CTNNA3: variants seen among roughly 807,000 people sequenced by gnomAD.
CTNNA3 encodes the protein catenin alpha 3, also known as catenin alpha-3.
In CTNNA3, 76 loss-of-function variants were observed where a neutral mutation model predicts 95.7. The ratio of observed to expected loss-of-function variants is 0.79; its 90% CI spans 0.66 to 0.96. The LOEUF is 0.96. Ranked by LOEUF, CTNNA3 falls within the 40% of genes least tolerant of loss-of-function variation. The pLI is 0.00. For synonymous variants in CTNNA3, 431 were observed against 374.4 expected (o/e 1.15, Z -1.74); for missense variants, 1,191 against 1,089.8 (o/e 1.09, Z -1.31).
At chr10:66,359,771 G>A (rs1353892909) in intron 12 of CTNNA3, among the ~76,000 whole-genome samples, 1 of 151,626 alleles carries the variant, frequency 6.6e-6, no homozygotes, top group African/African-American at 2.4e-5. Context: ...GTTCAATGAA[G>A]GTTAAAGTGA....
At chr10:66,434,723 G>T (rs2093324671) in intron 11 of CTNNA3, among the ~76,000 whole-genome samples, 1 of 151,938 alleles carries the variant, frequency 6.6e-6, no homozygotes, top group African/African-American at 2.4e-5. Flanking sequence ...TGCCTGTGCT[G>T]GTTTTCAAAG....
At chr10:66,541,798 G>T (rs1201886001) in intron 10 of CTNNA3, among the ~76,000 whole-genome samples, 1 of 152,048 alleles carries the variant, frequency 6.6e-6, no homozygotes, top group African/African-American at 2.4e-5. Context: ...CAACACGTAA[G>T]AGATTTATAC....
rs559324408 is a variant in CTNNA3, at chr10:67,235,368, CA to C, written c.580-15499del. Among the ~76,000 whole-genome samples the C allele has an allele frequency of 1.1e-4, 16 of 152,268 alleles. No homozygotes were observed. In the East Asian group the frequency reaches 3.1e-3, roughly 29 times the overall value. On this transcript the variant is annotated intron_variant, in intron 5 of 17. Coordinates refer to ENST00000433211, the MANE Select transcript of CTNNA3 (RefSeq NM_013266.4). ...CCTCAGAAATAATGCCACATATCTA[CA>C]ACTATCTGATCTTTGACAAACCTGA...
intron 12 of CTNNA3, among the ~76,000 whole-genome samples, chr10:66,319,378 A>G (rs563680946): frequency 8.3e-4 from 126 of 152,248 alleles, no homozygotes; most frequent in African/African-American, 2.9e-3. Context: ...GTTAAAATCT[A>G]CACACCAAGC....
chr10:66,862,732 G>T (rs1843990182), intron 7 of CTNNA3, among the ~76,000 whole-genome samples: 1 of 152,296 alleles, frequency 6.6e-6, no homozygotes, highest in East Asian at 1.9e-4. Flanking sequence ...ACGTGTTAAT[G>T]TGACTAGAAC....
In CTNNA3 at chr10:67,205,785, A is replaced by T. The variant is rs547314561; in HGVS notation, c.843+13822T>A. On this transcript the variant is annotated intron_variant, in intron 6 of 17. Coordinates refer to ENST00000433211, the MANE Select transcript of CTNNA3 (RefSeq NM_013266.4). ...TAAATACAGATCTTAAAAGAAGCAA[A>T]ATATAATTTTCCTAGGGAAAAAAGG... is the stretch of plus-strand genomic sequence containing the variant. 2.0e-4 allele frequency among the ~76,000 whole-genome samples: 31 copies of T among 152,326 alleles called. 1 individual carries two copies. The South Asian group carries it at 6.4e-3, about 32-fold the overall frequency.
At chr10:67,519,404 A>C (rs2133152463) in intron 5 of CTNNA3, among the ~76,000 whole-genome samples, 1 of 152,308 alleles carries the variant, frequency 6.6e-6, no homozygotes, top group Middle Eastern at 3.4e-3. Context: ...AAAATATGTT[A>C]GGAGAAAACC....
intron 6 of CTNNA3, among the ~76,000 whole-genome samples, chr10:67,199,632 G>A (rs1330031783): frequency 6.6e-6 from 1 of 152,088 alleles, no homozygotes; most frequent in Non-Finnish European, 1.5e-5. Context: ...GCCTCCCAAA[G>A]TGCTGGGATT....
intron 3 of CTNNA3, among the ~76,000 whole-genome samples, chr10:67,575,584 C>A (rs1302491341): frequency 6.6e-6 from 1 of 152,120 alleles, no homozygotes; most frequent in Non-Finnish European, 1.5e-5. Flanking sequence ...TATAGGAATT[C>A]AAGTGATCAC....
chr10:66,765,992 A>G (rs950292270), intron 9 of CTNNA3, among the ~76,000 whole-genome samples: 1 of 152,196 alleles, frequency 6.6e-6, no homozygotes, highest in Non-Finnish European at 1.5e-5. Context: ...TCAGAATGGG[A>G]AGAAAATATT....
intron 13 of CTNNA3, among the ~76,000 whole-genome samples, chr10:66,114,077 CA>C (rs1261958849): frequency 6.6e-6 from 1 of 152,096 alleles, no homozygotes; most frequent in Non-Finnish European, 1.5e-5. Flanking sequence ...AATGTCGGAT[CA>C]AAAATCAGAA....
At chr10:67,485,230 T>A (rs973789093) in intron 5 of CTNNA3, among the ~76,000 whole-genome samples, 1 of 152,134 alleles carries the variant, frequency 6.6e-6, no homozygotes, top group Non-Finnish European at 1.5e-5. Context: ...GAAAACCAAA[T>A]ACCACACGTT....
chr10:66,189,617 T>TATATATATACAC (rs151078010), intron 13 of CTNNA3, among the ~76,000 whole-genome samples: 3,336 of 140,326 alleles, frequency 0.024, 188 homozygotes, highest in African/African-American at 0.088. Context: ...TATATATATA[T>TATATATATACAC]ACACACATAC....
intron 2 of CTNNA3, among the ~76,000 whole-genome samples, chr10:67,631,948 G>T (rs1317281599): frequency 1.3e-5 from 2 of 152,158 alleles, no homozygotes; most frequent in African/African-American, 4.8e-5. Context: ...GGGTAAAAGG[G>T]TGGTTTCCAG....
At chr10:66,742,034 A>G (rs1849342999) in intron 9 of CTNNA3, among the ~76,000 whole-genome samples, 1 of 152,344 alleles carries the variant, frequency 6.6e-6, no homozygotes, top group South Asian at 2.1e-4. Flanking sequence ...AGCAATGTTC[A>G]GGGAACAAGA....
chr10:67,578,837 A>T, intron 3 of CTNNA3, among the ~76,000 whole-genome samples: 1 of 151,706 alleles, frequency 6.6e-6, no homozygotes, highest in Non-Finnish European at 1.5e-5. Flanking sequence ...AGTTTGTATC[A>T]TGATGGGATA....
intron 9 of CTNNA3, among the ~76,000 whole-genome samples, chr10:66,646,768 A>C (rs1195924550): frequency 6.6e-6 from 1 of 152,136 alleles, no homozygotes; most frequent in Non-Finnish European, 1.5e-5. Flanking sequence ...GTTCAGATGG[A>C]AAAGCAGTCA....
At chr10:66,860,997 G>C (rs114145730) in intron 7 of CTNNA3, among the ~76,000 whole-genome samples, 3,234 of 152,214 alleles carry the variant, frequency 0.021, 115 homozygotes, top group African/African-American at 0.073. Context: ...TCATGGGGGA[G>C]GCCAGGGATA....
At chr10:66,798,852 A>G (rs116692958) in intron 7 of CTNNA3, among the ~76,000 whole-genome samples, 12 of 151,810 alleles carry the variant, frequency 7.9e-5, no homozygotes, top group African/African-American at 2.9e-4. Context: ...AAAACCTGCT[A>G]GACAACTACA....
Sources: allele counts gnomAD v4.1 joint callset (sites outside exome capture counted in the v4.1 genomes callset), GRCh38; gene constraint gnomAD v4.1.1; transcripts MANE v1.5; gene names NCBI Gene and HGNC (gene_info 2026-07-23, HGNC 2026-07-21).